Variants in NPAS1 observed in about 807,000 individuals in gnomAD.
The protein encoded by NPAS1 is neuronal PAS domain protein 1, also known as neuronal PAS domain-containing protein 1.
Under a neutral mutation model 49.2 loss-of-function variants are expected in NPAS1, and 29 were observed. That is an observed-to-expected ratio of 0.59 (90% confidence interval 0.44 to 0.80). The LOEUF (loss-of-function observed/expected upper bound fraction) is 0.80, where lower values mean the gene tolerates loss of function less well. NPAS1 is among the 30% of genes least tolerant of loss of function. The pLI is 0.00. For synonymous variants in NPAS1, 408 were observed against 380.4 expected, an observed-to-expected ratio of 1.07 and a Z score of -0.84; for missense variants, 825 against 835.5, an observed-to-expected ratio of 0.99 and a Z score of 0.15.
intron 10 of NPAS1, among the ~76,000 whole-genome samples, chr19:47,041,953 CTG>C (rs1469637574): frequency 1.4e-5 from 2 of 146,524 alleles, no homozygotes; most frequent in Non-Finnish European, 3.0e-5. Context: ...GCTCTCCAGC[CTG>C]GGCGACAGAG....
At chr19:47,042,743 T>C in intron 10 of NPAS1, 67 bp from the exon 11 acceptor site, 1 of 1,357,736 alleles carries the variant, frequency 7.4e-7, no homozygotes, top group Non-Finnish European at 1.0e-6. Flanking sequence ...ACAAGTTGGG[T>C]AAAGCAGGAG....
chr19:47,028,108 G>A (rs1054519158), intron 3 of NPAS1, among the ~76,000 whole-genome samples: 2 of 145,036 alleles, frequency 1.4e-5, no homozygotes, highest in Non-Finnish European at 1.5e-5. Context: ...CCCTAATCCC[G>A]ACGTGCCCAT....
At chr19:47,042,435 G>A (rs1337773156) in intron 10 of NPAS1, among the ~76,000 whole-genome samples, 1 of 152,210 alleles carries the variant, frequency 6.6e-6, no homozygotes, top group Non-Finnish European at 1.5e-5. Context: ...ACTCTATGGG[G>A]GAGGAGGGGA....
chr19:47,032,825 C>T (rs764153238), intron 5 of NPAS1, 93 bp downstream of exon 5: 21 of 923,216 alleles, frequency 2.3e-5, no homozygotes, highest in Admixed American at 1.8e-4. Context: ...CTCACCATAG[C>T]AGCAAGAAAA....
At chr19:47,045,088 G>C in intron 11 of NPAS1, 103 bp from the exon 12 acceptor site, 2 of 1,108,234 alleles carry the variant, frequency 1.8e-6, no homozygotes, top group Non-Finnish European at 2.6e-6. Flanking sequence ...CCCACTCCCA[G>C]CTGAGAACTA....
At chr19:47,044,071 AATTT>A (rs146527620) in intron 11 of NPAS1, among the ~76,000 whole-genome samples, 4 of 151,960 alleles carry the variant, frequency 2.6e-5, no homozygotes, top group African/African-American at 7.3e-5. Flanking sequence ...GTCTCAAACA[AATTT>A]ATTTATTTTT....
rs904178142 is a variant in NPAS1 at position 47,021,206 on chromosome 19, C to A, written c.122+37C>A. 2 of 1,484,116 alleles carry A rather than the reference C, an allele frequency of 1.3e-6. No individual in the cohort carries two copies. The highest frequency in any genetic ancestry group is 1.8e-6 in the Non-Finnish European group (2 of 1,113,058). The allele number at this position is 1,484,116 out of a possible 1,614,324, so 91.9% of individuals were successfully genotyped here. On this transcript the variant is annotated intron_variant, in intron 2 of 11. Coordinates refer to ENST00000602212, the MANE Select transcript of NPAS1 (RefSeq NM_002517.4). The surrounding 1 kb of genome is among the most constrained non-coding windows in gnomAD (Gnocchi z 5.7). ...CCCGCCCCCCTGGCCGCGGGCCCCC[C>A]CCCGGGTCCAATTCACACCCGATGT...
chr19:47,021,442 G>A lies in NPAS1; in HGVS notation c.123-170G>A, dbSNP rs1413423513. The stretch of plus-strand genomic sequence containing the variant: ...ATTGACACTCGAGGTTCTGTCCCTG[G>A]GTCGGAGTGTAAAATCCACACTCCG... On this transcript the variant is annotated intron_variant, in intron 2 of 11. Coordinates refer to ENST00000602212, the MANE Select transcript of NPAS1 (RefSeq NM_002517.4). This position sits in a 1 kb window ranked among gnomAD's most constrained non-coding sequence, Gnocchi z 5.7. Among the ~76,000 whole-genome samples the A allele has an allele frequency of 6.6e-6, 1 of 152,098 alleles. No individual in the cohort carries two copies. The highest frequency in any genetic ancestry group is 1.9e-4 in the East Asian group (1 of 5,186).
rs1428826195 is a variant in NPAS1 at position 47,021,039 on chromosome 19, C to T, written c.-9C>T. 1.3e-6 allele frequency: 2 copies of T among 1,599,238 alleles called. No homozygotes were observed. Among genetic ancestry groups the T allele is most frequent in the Non-Finnish European group, 1.7e-6 (2 of 1,174,850 alleles). ...GGGCTCGGAGCCCGCCTGAGCGAGC[C>T]CCCCGGAGATGGCGGCCCCCTATCC... On this transcript the variant is annotated 5_prime_UTR_variant, in exon 2 of 12. Transcript: ENST00000602212. The surrounding 1 kb of genome is among the most constrained non-coding windows in gnomAD (Gnocchi z 5.7).
At chr19:47,041,248 G>A (rs914695294) in intron 10 of NPAS1, 123 bp downstream of exon 10, 58 of 937,176 alleles carry the variant, frequency 6.2e-5, no homozygotes, top group Non-Finnish European at 7.9e-5. Flanking sequence ...CTGCAGACAC[G>A]AAGGGGAAGG....
chr19:47,023,468 G>A (rs564041143), intron 3 of NPAS1, among the ~76,000 whole-genome samples: 1 of 152,224 alleles, frequency 6.6e-6, no homozygotes, highest in East Asian at 1.9e-4. Context: ...TTGGTACTGC[G>A]TGGACTCCTA....
chr19:47,021,141 C>A lies in NPAS1; in HGVS notation c.94C>A (p.Leu32Met), dbSNP rs1237818708. The part of the protein sequence containing the change: ...ASVPWDFLPG[L>M]MVKAPSGPCL... ...CGTCCCCTGGGACTTTCTACCCGGG[C>A]TGATGGTCAAGGCGCCGTCCGGACC... Residue 32 changes from leucine to methionine, a missense_variant, in exon 2 of 12, where the codon CTG becomes ATG. Physicochemically the swap from Leu to Met is conservative, Grantham distance 15. Transcript: ENST00000602212. The surrounding 1 kb of genome is among the most constrained non-coding windows in gnomAD (Gnocchi z 5.7). 6.3e-7 allele frequency: 1 copy of A among 1,598,382 alleles called. No individual in the cohort carries two copies. The highest frequency in any genetic ancestry group is 1.7e-5 in the Admixed American group (1 of 58,944).
rs2057071619 is a variant in NPAS1 at position 47,045,638 on chromosome 19, G to A, written c.1760G>A (p.Arg587Gln). 6.3e-6 allele frequency: 9 copies of A among 1,425,108 alleles called. No homozygotes were observed. Among genetic ancestry groups the A allele is most frequent in the Middle Eastern group, 2.5e-4 (1 of 3,928 alleles). 88.3% of individuals were successfully genotyped at this position (1,425,108 alleles called of 1,614,324 possible). A position where few individuals can be genotyped will look rare whatever the true frequency, so the allele number is the denominator to read the frequency against. Residue 587 changes from arginine (R) to glutamine (Q), a missense_variant, in exon 12 of 12, where the codon CGG becomes CAG. Arg to Gln is a conservative substitution (Grantham distance 43). Coordinates refer to ENST00000602212, the MANE Select transcript of NPAS1 (RefSeq NM_002517.4). Reference protein sequence around the residue: ...YPGPAGTRLPRKGD With the variant: ...YPGPAGTRLPQKGD ...GGGCCCGCGGGCACCAGGCTGCCGC[G>A]GAAGGGGGACTGAGGACTGGCAGAG...
chr19:47,024,703 C>T (rs546439107), intron 3 of NPAS1, among the ~76,000 whole-genome samples: 1 of 152,166 alleles, frequency 6.6e-6, no homozygotes, highest in Middle Eastern at 3.4e-3. Flanking sequence ...CTCTCTGGGC[C>T]TCAGTCCTCC....
At chr19:47,042,478 G>T (rs1210528185) in intron 10 of NPAS1, among the ~76,000 whole-genome samples, 1 of 152,210 alleles carries the variant, frequency 6.6e-6, no homozygotes, top group African/African-American at 2.4e-5. Context: ...CTCTGGCTTT[G>T]CTGAGCCCGG....
rs756488536 is a variant in NPAS1, at chr19:47,021,157, C to G, written c.110C>G (p.Pro37Arg). Residue 37 changes from proline to arginine, a missense_variant, in exon 2 of 12, where the codon CCG becomes CGG. Physicochemically the swap from Pro to Arg is moderately radical, Grantham distance 103. Transcript: ENST00000602212. The surrounding 1 kb of genome is among the most constrained non-coding windows in gnomAD (Gnocchi z 5.7). The stretch of plus-strand genomic sequence containing the variant: ...CTACCCGGGCTGATGGTCAAGGCGC[C>G]GTCCGGACCGTGGTGAGCAAAGCCC... Reference protein sequence around the residue: ...DFLPGLMVKAPSGPCLQAQRK... With the variant: ...DFLPGLMVKARSGPCLQAQRK... The G allele has an allele frequency of 1.3e-6, 2 of 1,587,106 alleles. No homozygotes were observed. Among genetic ancestry groups the G allele is most frequent in the Non-Finnish European group, 1.7e-6 (2 of 1,168,702 alleles).
At chr19:47,031,438 T>C in intron 3 of NPAS1, among the ~76,000 whole-genome samples, 1 of 152,102 alleles carries the variant, frequency 6.6e-6, no homozygotes, top group East Asian at 1.9e-4. Context: ...CCTCAAGTGA[T>C]CTACCCTCCT....
Position 47,021,798 on chromosome 19 carries a change from G to T in NPAS1, c.309G>T (p.Leu103=), listed in dbSNP as rs935717457. The T allele has an allele frequency of 5.2e-6, 8 of 1,529,288 alleles. No individual in the cohort carries two copies. Among genetic ancestry groups the T allele is most frequent in the Non-Finnish European group, 7.0e-6 (8 of 1,139,584 alleles). 94.7% of individuals were successfully genotyped at this position (1,529,288 alleles called of 1,614,324 possible). ...TCCGCCTGCGCCGGTTCGCCGCGCT[G>T]GGGGCGCCGCCCTGGGGGCTGAGAG... The part of the protein sequence containing the change: ...TYLRLRRFAA[L]GAPPWGLRAA... The change falls in exon 3 of 12, where the codon CTG becomes CTT. Residue 103 remains leucine (L), a synonymous_variant. Transcript: ENST00000602212. The surrounding 1 kb of genome is among the most constrained non-coding windows in gnomAD (Gnocchi z 5.7).
At position 47,036,056 on chromosome 19, in the gene NPAS1, C is replaced by A; in HGVS notation, c.615C>A (p.Pro205=). The change falls in exon 6 of 12, where the codon CCC becomes CCA. Residue 205 remains proline, a synonymous_variant. Coordinates refer to ENST00000602212, the MANE Select transcript of NPAS1 (RefSeq NM_002517.4). Reference sequence around the variant, plus strand: ...AACTGGGGCTGCGGACGCCGACGCCCGGCCCCCCAACCCCGCCCTCCGTCT... The same window carrying A: ...AACTGGGGCTGCGGACGCCGACGCCAGGCCCCCCAACCCCGCCCTCCGTCT... ...LEQLGLRTPT[P]GPPTPPSVSS... is the part of the protein sequence containing the mutation. 6.2e-7 allele frequency: 1 copy of A among 1,602,172 alleles called. No individual in the cohort carries two copies. Among genetic ancestry groups the A allele is most frequent in the Non-Finnish European group, 8.5e-7 (1 of 1,174,514 alleles).
Sources: allele counts gnomAD v4.1 joint callset (sites outside exome capture counted in the v4.1 genomes callset), GRCh38; gene constraint gnomAD v4.1.1; non-coding constraint Gnocchi (gnomAD v3.1); transcripts MANE v1.5; gene names NCBI Gene and HGNC (gene_info 2026-07-23, HGNC 2026-07-21).